ERBB4: variants seen among roughly 807,000 people sequenced by gnomAD.
The protein encoded by ERBB4 is receptor tyrosine-protein kinase erbB-4.
In ERBB4, 42 loss-of-function variants were observed where a neutral mutation model predicts 158.0. That is an observed-to-expected ratio of 0.27 (90% CI 0.21 to 0.34). The LOEUF (loss-of-function observed/expected upper bound fraction) is 0.34. ERBB4 is among the 10% of genes least tolerant of loss of function. The probability of loss-of-function intolerance (pLI) is 1.00; values close to 1 mark genes in which losing one functional copy is unlikely to be tolerated. For synonymous variants in ERBB4, 583 were observed against 558.7 expected, an observed-to-expected ratio of 1.04 and a Z score of -0.61; for missense variants, 1,333 against 1,624.1, an observed-to-expected ratio of 0.82 and a Z score of 3.08.
At chr2:211,736,226 A>G (rs1291905415) in intron 5 of ERBB4, among the ~76,000 whole-genome samples, 1 of 152,110 alleles carries the variant, frequency 6.6e-6, no homozygotes, top group Non-Finnish European at 1.5e-5. Flanking sequence ...GCACCTTTGT[A>G]GTGTTTTTCA....
At chr2:212,478,118 T>C (rs1456003730) in intron 1 of ERBB4, among the ~76,000 whole-genome samples, 1 of 152,178 alleles carries the variant, frequency 6.6e-6, no homozygotes, top group Non-Finnish European at 1.5e-5. Flanking sequence ...TTCATTATTC[T>C]GTAATATTCT....
intron 1 of ERBB4, among the ~76,000 whole-genome samples, chr2:212,529,609 G>A (rs1451271648): frequency 6.6e-6 from 1 of 152,070 alleles, no homozygotes; most frequent in Non-Finnish European, 1.5e-5. Flanking sequence ...GCTTAAAATT[G>A]TTCCTGCAAA....
chr2:212,309,337 T>A (rs2086933663), intron 1 of ERBB4, among the ~76,000 whole-genome samples: 1 of 150,902 alleles, frequency 6.6e-6, no homozygotes, highest in South Asian at 2.1e-4. Flanking sequence ...TATACACTGA[T>A]TAACATATTT....
intron 19 of ERBB4, among the ~76,000 whole-genome samples, chr2:211,591,208 A>T (rs969218907): frequency 4.8e-4 from 73 of 152,236 alleles, no homozygotes; most frequent in Non-Finnish European, 1.0e-4. Context: ...CCTTGATTGT[A>T]ATCAGAATTA....
chr2:211,532,908 T>C (rs1405560000), intron 20 of ERBB4, among the ~76,000 whole-genome samples: 1 of 151,922 alleles, frequency 6.6e-6, no homozygotes, highest in Non-Finnish European at 1.5e-5. Flanking sequence ...ATATAAACTT[T>C]CGTATCTTTT....
chr2:211,855,974 G>C (rs2077848123), intron 3 of ERBB4, among the ~76,000 whole-genome samples: 2 of 152,124 alleles, frequency 1.3e-5, no homozygotes, highest in Admixed American at 6.5e-5. Flanking sequence ...GAAAATCTCA[G>C]GATACAAAGT....
chr2:212,261,267 G>A (rs1559871288), intron 1 of ERBB4, among the ~76,000 whole-genome samples: 1 of 152,168 alleles, frequency 6.6e-6, no homozygotes, highest in Non-Finnish European at 1.5e-5. Context: ...ACAGGGACAT[G>A]TGGAAAAAAA....
At chr2:212,046,727 T>C (rs1403190878) in intron 2 of ERBB4, among the ~76,000 whole-genome samples, 3 of 152,188 alleles carry the variant, frequency 2.0e-5, no homozygotes, top group Non-Finnish European at 2.9e-5. Context: ...GGCACAAATC[T>C]ATCAGATGTA....
intron 2 of ERBB4, among the ~76,000 whole-genome samples, chr2:212,075,905 T>C (rs1231530593): frequency 6.6e-6 from 1 of 151,982 alleles, no homozygotes; most frequent in East Asian, 1.9e-4. Context: ...TTATTTCTTC[T>C]ATTGCTACAT....
At chr2:211,569,081 T>C (rs556881311) in intron 19 of ERBB4, among the ~76,000 whole-genome samples, 1 of 152,302 alleles carries the variant, frequency 6.6e-6, no homozygotes, top group East Asian at 1.9e-4. Flanking sequence ...CAATCCTTGG[T>C]ATCATTTTTG....
At chr2:212,343,293 T>A (rs1320358118) in intron 1 of ERBB4, among the ~76,000 whole-genome samples, 1 of 152,162 alleles carries the variant, frequency 6.6e-6, no homozygotes, top group Non-Finnish European at 1.5e-5. Context: ...CATGTGAAAA[T>A]GAAGTCAATG....
chr2:212,206,589 C>CTTGTTTTTTTTTTTTTT (rs2082754421), intron 1 of ERBB4, among the ~76,000 whole-genome samples: 2 of 116,450 alleles, frequency 1.7e-5, no homozygotes, highest in African/African-American at 7.2e-5. Flanking sequence ...CTGTTCTGTT[C>CTTGTTTTTTTTTTTTTT]TTTTTTTTTT....
At chr2:211,489,770 TATTCATTC>T (rs60793660) in intron 20 of ERBB4, among the ~76,000 whole-genome samples, 1 of 151,316 alleles carries the variant, frequency 6.6e-6, no homozygotes, top group African/African-American at 2.4e-5. Context: ...AGTACTAATG[TATTCATTC>T]ATTCATTCAT....
intron 1 of ERBB4, among the ~76,000 whole-genome samples, chr2:212,197,952 T>C (rs966362994): frequency 6.6e-6 from 1 of 152,170 alleles, no homozygotes; most frequent in Admixed American, 6.5e-5. Context: ...TTAAGACAGA[T>C]CCCCTCAAGA....
At chr2:211,494,569 T>C (rs2065423827) in intron 20 of ERBB4, among the ~76,000 whole-genome samples, 1 of 152,128 alleles carries the variant, frequency 6.6e-6, no homozygotes, top group Non-Finnish European at 1.5e-5. Flanking sequence ...TTTCTTTTCT[T>C]CTTGATATGC....
At chr2:211,515,526 G>C (rs2065999462) in intron 20 of ERBB4, among the ~76,000 whole-genome samples, 1 of 152,052 alleles carries the variant, frequency 6.6e-6, no homozygotes, top group African/African-American at 2.4e-5. Context: ...GAGTCTAAAA[G>C]ATTAGAAAGA....
chr2:211,761,020 C>T (rs1482621976), intron 4 of ERBB4, among the ~76,000 whole-genome samples: 1 of 151,818 alleles, frequency 6.6e-6, no homozygotes, highest in Non-Finnish European at 1.5e-5. Flanking sequence ...CATAGTGAAA[C>T]CCCGTCTCTA....
chr2:211,637,484 C>T (rs1408393400), intron 16 of ERBB4, among the ~76,000 whole-genome samples: 5 of 151,844 alleles, frequency 3.3e-5, no homozygotes, highest in African/African-American at 9.7e-5. Flanking sequence ...TAGCAATGCA[C>T]TTATTTTCAA....
chr2:212,076,192 T>C (rs2078268858), intron 2 of ERBB4, among the ~76,000 whole-genome samples: 1 of 151,852 alleles, frequency 6.6e-6, no homozygotes, highest in South Asian at 2.1e-4. Context: ...CTAATTCAAA[T>C]CATAGTTCAC....
Sources: allele counts gnomAD v4.1 joint callset (sites outside exome capture counted in the v4.1 genomes callset), GRCh38; gene constraint gnomAD v4.1.1; transcripts MANE v1.5; gene names NCBI Gene and HGNC (gene_info 2026-07-23, HGNC 2026-07-21).